Variants in AKAIN1 observed in about 807,000 individuals in gnomAD.
AKAIN1 encodes A-kinase anchor inhibitor 1.
Under a neutral mutation model 3.7 loss-of-function variants are expected in AKAIN1, and 3 were observed. That is an observed-to-expected ratio of 0.82 (90% CI 0.37 to 2.12). The LOEUF is 2.12. Among genes scored for constraint, AKAIN1 ranks in the 30% most tolerant of loss-of-function variants. The probability of loss-of-function intolerance (pLI) is 0.06; values close to 1 mark genes in which losing one functional copy is unlikely to be tolerated. For missense variants in AKAIN1, 82 were observed against 82.7 expected, an observed-to-expected ratio of 0.99 and a Z score of 0.03; for synonymous variants, 31 against 30.8, an observed-to-expected ratio of 1.01 and a Z score of -0.02.
At chr18:5,164,512 C>A (rs2071156919) in intron 1 of AKAIN1, among the ~76,000 whole-genome samples, 1 of 151,952 alleles carries the variant, frequency 6.6e-6, no homozygotes, top group Non-Finnish European at 1.5e-5. Flanking sequence ...TATCTCTAAC[C>A]AATGGACTCA....
At chr18:5,166,314 T>C (rs1048879228) in intron 1 of AKAIN1, among the ~76,000 whole-genome samples, 4 of 152,170 alleles carry the variant, frequency 2.6e-5, no homozygotes, top group African/African-American at 9.6e-5. Context: ...GGGTTTTTAT[T>C]TTCGGAATTA....
chr18:5,197,135 G>A lies in AKAIN1; in HGVS notation c.-82C>T. 1.3e-6 allele frequency: 2 copies of A among 1,544,634 alleles called. No homozygotes were observed. The highest frequency in any genetic ancestry group is 1.2e-5 in the South Asian group (1 of 83,916). The stretch of plus-strand genomic sequence containing the variant: ...ATGGGAAGAAGGCCGGACTTGGCGG[G>A]GTCCGGTGCAGGAGGGCGCGCTGGG... On this transcript the variant is annotated 5_prime_UTR_variant, in exon 1 of 2. Transcript: ENST00000434239. This position sits in a 1 kb window ranked among gnomAD's most constrained non-coding sequence, Gnocchi z 6.9.
chr18:5,169,307 A>G (rs1281065333), intron 1 of AKAIN1, among the ~76,000 whole-genome samples: 2 of 152,202 alleles, frequency 1.3e-5, no homozygotes, highest in South Asian at 2.1e-4. Flanking sequence ...AAAATATCCT[A>G]CTGCAACATC....
At chr18:5,165,995 A>G (rs1028145098) in intron 1 of AKAIN1, among the ~76,000 whole-genome samples, 4 of 152,030 alleles carry the variant, frequency 2.6e-5, no homozygotes, top group Non-Finnish European at 5.9e-5. Flanking sequence ...CTTTTCTAGG[A>G]AGGAAAAATT....
At chr18:5,152,168 C>T (rs1256219660) in intron 1 of AKAIN1, among the ~76,000 whole-genome samples, 1 of 152,194 alleles carries the variant, frequency 6.6e-6, no homozygotes, top group Non-Finnish European at 1.5e-5. Context: ...TGCGCTCTGG[C>T]CCGCTTACTT....
intron 1 of AKAIN1, among the ~76,000 whole-genome samples, chr18:5,173,834 C>T (rs1307952915): frequency 6.6e-6 from 1 of 152,022 alleles, no homozygotes; most frequent in Non-Finnish European, 1.5e-5. Context: ...TTGGCATGAT[C>T]CCCCCTCGGC....
At chr18:5,178,273 G>T (rs2071237419) in intron 1 of AKAIN1, among the ~76,000 whole-genome samples, 1 of 152,094 alleles carries the variant, frequency 6.6e-6, no homozygotes, top group East Asian at 1.9e-4. Context: ...GGGACAACCT[G>T]GGCATGGATG....
Position 5,152,438 on chromosome 18 carries a change from C to T in AKAIN1, c.17-6683G>A, listed in dbSNP as rs1388714966. Among the ~76,000 whole-genome samples the T allele has an allele frequency of 6.6e-5, 10 of 152,248 alleles. No homozygotes were observed. In the East Asian group the frequency reaches 1.9e-3, roughly 29 times the overall value. On this transcript the variant is annotated intron_variant, in intron 1 of 1. Coordinates refer to ENST00000434239, the MANE Select transcript of AKAIN1 (RefSeq NM_001145194.2). ...ATCAACTATCTCCAAACACTTCAGC[C>T]CACTCCACACCCTTAAAATCCATAG...
rs150298363 is a variant in AKAIN1 at position 5,146,376 on chromosome 18, A to G, written c.17-621T>C. On this transcript the variant is annotated intron_variant, in intron 1 of 1. Transcript: ENST00000434239. ...ACTAATTTTGAAGGCAACACTGAACATCTGTACCAGCCCTGGGCCACGTAC... is the reference window on the plus strand; with the variant it reads ...ACTAATTTTGAAGGCAACACTGAACGTCTGTACCAGCCCTGGGCCACGTAC... Among the ~76,000 whole-genome samples, 62 of 152,348 alleles carry G rather than the reference A, an allele frequency of 4.1e-4. No homozygotes were observed. In the Middle Eastern group the frequency reaches 0.017, roughly 42 times the overall value.
chr18:5,195,098 T>A (rs995936008), intron 1 of AKAIN1, among the ~76,000 whole-genome samples: 2 of 152,000 alleles, frequency 1.3e-5, no homozygotes, highest in African/African-American at 4.8e-5. Flanking sequence ...GTTCTTATTG[T>A]CCCAAATGCT....
Position 5,145,733 on chromosome 18 carries a change from A to T in AKAIN1, c.39T>A (p.Pro13=). 1 of 1,551,210 alleles carries T rather than the reference A, an allele frequency of 6.4e-7. No individual in the cohort carries two copies. The highest frequency in any genetic ancestry group is 8.7e-7 in the Non-Finnish European group (1 of 1,146,660). ...TGGCATTCTGCAGCTTCACCTCTTCAGGCTCATTTCCAGGTTTCTCACCTA... is the reference window on the plus strand; with the variant it reads ...TGGCATTCTGCAGCTTCACCTCTTCTGGCTCATTTCCAGGTTTCTCACCTA... The part of the protein sequence containing the change: ...FAPGEKPGNE[P]EEVKLQNASK... The change falls in exon 2 of 2, where the codon CCT becomes CCA. Residue 13 remains proline, a synonymous_variant. Transcript: ENST00000434239.
chr18:5,152,466 C>T (rs769335083), intron 1 of AKAIN1, among the ~76,000 whole-genome samples: 12 of 152,120 alleles, frequency 7.9e-5, no homozygotes, highest in Non-Finnish European at 1.5e-4. Context: ...ATCCATAGCC[C>T]TAATCTCCTT....
At chr18:5,152,797 G>C (rs1167190572) in intron 1 of AKAIN1, among the ~76,000 whole-genome samples, 1 of 152,166 alleles carries the variant, frequency 6.6e-6, no homozygotes, top group Non-Finnish European at 1.5e-5. Flanking sequence ...AGCAGGGCCA[G>C]AGAGGAACTC....
intron 1 of AKAIN1, among the ~76,000 whole-genome samples, chr18:5,176,457 CA>C (rs371802487): frequency 6.6e-6 from 1 of 151,064 alleles, no homozygotes; most frequent in Non-Finnish European, 1.5e-5. Context: ...AACAAACAAA[CA>C]AAAAAAACAA....
intron 1 of AKAIN1, 132 bp downstream of exon 1, chr18:5,196,906 C>G: frequency 1.2e-6 from 1 of 838,546 alleles, no homozygotes; most frequent in East Asian, 2.8e-5. Context: ...CTCCTCCGCC[C>G]CATGAGCACA....
chr18:5,158,969 T>C (rs1433759175), intron 1 of AKAIN1, among the ~76,000 whole-genome samples: 1 of 152,152 alleles, frequency 6.6e-6, no homozygotes, highest in Non-Finnish European at 1.5e-5. Flanking sequence ...CACCTACAAA[T>C]AGGATAAAGA....
intron 1 of AKAIN1, among the ~76,000 whole-genome samples, chr18:5,149,149 C>G (rs1426825820): frequency 6.6e-6 from 1 of 152,172 alleles, no homozygotes; most frequent in East Asian, 1.9e-4. Flanking sequence ...ACTCTCACTG[C>G]CCTCATTACC....
intron 1 of AKAIN1, among the ~76,000 whole-genome samples, chr18:5,160,489 G>C (rs1275730898): frequency 1.3e-5 from 2 of 152,086 alleles, no homozygotes; most frequent in Non-Finnish European, 2.9e-5. Flanking sequence ...ATGTGCAGCA[G>C]ATACTTCTAT....
chr18:5,147,223 G>C (rs768719425), intron 1 of AKAIN1, among the ~76,000 whole-genome samples: 2 of 152,144 alleles, frequency 1.3e-5, no homozygotes, highest in Non-Finnish European at 2.9e-5. Context: ...AAGGAGCTTG[G>C]TATCCAATGA....
Sources: allele counts gnomAD v4.1 joint callset (sites outside exome capture counted in the v4.1 genomes callset), GRCh38; gene constraint gnomAD v4.1.1; non-coding constraint Gnocchi (gnomAD v3.1); transcripts MANE v1.5; gene names NCBI Gene and HGNC (gene_info 2026-07-23, HGNC 2026-07-21).